Variants in PTPRK observed in about 807,000 individuals in gnomAD.
PTPRK encodes the protein protein tyrosine phosphatase receptor type K.
Under a neutral mutation model 178.0 loss-of-function variants are expected in PTPRK, and 75 were observed. The observed-to-expected ratio is 0.42, with a 90% CI of 0.35 to 0.51. The LOEUF is 0.51. Among genes scored for constraint, PTPRK ranks in the 20% least tolerant of loss-of-function variants. The pLI, the probability that PTPRK is intolerant of heterozygous loss-of-function variation, is 0.02. For synonymous variants in PTPRK, 637 were observed against 620.6 expected (o/e 1.03, Z -0.39); for missense variants, 1,441 against 1,797.8 (o/e 0.80, Z 3.59).
At chr6:128,078,162 A>G (rs1384502801) in intron 11 of PTPRK, among the ~76,000 whole-genome samples, 2 of 151,942 alleles carry the variant, frequency 1.3e-5, no homozygotes, top group Non-Finnish European at 2.9e-5. Context: ...TAGAGGGGGG[A>G]AAAAGGCCAA....
intron 17 of PTPRK, 140 bp from the exon 18 acceptor site, chr6:127,995,678 A>G: frequency 3.6e-6 from 2 of 551,626 alleles, no homozygotes; most frequent in Non-Finnish European, 6.4e-6. Context: ...CCTTTGAAGA[A>G]ATATAAGAAT....
At chr6:128,306,063 A>C (rs562277400) in intron 3 of PTPRK, among the ~76,000 whole-genome samples, 2 of 152,302 alleles carry the variant, frequency 1.3e-5, no homozygotes, top group Non-Finnish European at 2.9e-5. Context: ...TCACTATCAC[A>C]AGAACAGCGT....
intron 3 of PTPRK, among the ~76,000 whole-genome samples, chr6:128,316,674 C>T (rs1189168766): frequency 2.6e-5 from 4 of 151,076 alleles, no homozygotes; most frequent in African/African-American, 9.7e-5. Context: ...CATCAGGAAC[C>T]AGAGAGGTCA....
At chr6:128,517,432 C>T (rs1307701835) in intron 1 of PTPRK, among the ~76,000 whole-genome samples, 1 of 152,144 alleles carries the variant, frequency 6.6e-6, no homozygotes, top group Non-Finnish European at 1.5e-5. Flanking sequence ...AGCTATACAA[C>T]CCAGTGAATA....
chr6:128,278,158 TATTTATTTA>T (rs1821064384), intron 3 of PTPRK, among the ~76,000 whole-genome samples: 1 of 150,696 alleles, frequency 6.6e-6, no homozygotes, highest in Non-Finnish European at 1.5e-5. Flanking sequence ...TTTATTTATT[TATTTATTTA>T]TTTATTTGAG....
chr6:128,496,634 A>C (rs181941698), intron 1 of PTPRK, among the ~76,000 whole-genome samples: 1 of 152,254 alleles, frequency 6.6e-6, no homozygotes, highest in East Asian at 1.9e-4. Flanking sequence ...AAATCATATA[A>C]TTTCTTTCAG....
chr6:128,368,946 CAAACA>C (rs1420578953), intron 2 of PTPRK, among the ~76,000 whole-genome samples: 2 of 147,340 alleles, frequency 1.4e-5, no homozygotes, highest in African/African-American at 2.5e-5. Context: ...AAAAAACAAA[CAAACA>C]AAAAAAAAAA....
At chr6:127,977,760 G>A (rs1050292040) in intron 25 of PTPRK, among the ~76,000 whole-genome samples, 2 of 152,154 alleles carry the variant, frequency 1.3e-5, no homozygotes, top group African/African-American at 4.8e-5. Flanking sequence ...TAAGCGGGGA[G>A]ATAGCTCCTT....
intron 7 of PTPRK, among the ~76,000 whole-genome samples, chr6:128,132,079 A>G (rs1360164516): frequency 6.6e-6 from 1 of 152,244 alleles, no homozygotes; most frequent in Admixed American, 6.5e-5. Flanking sequence ...ATGAAATAAA[A>G]TGCTCAGTAA....
At chr6:128,410,504 T>G (rs1842181740) in intron 1 of PTPRK, among the ~76,000 whole-genome samples, 1 of 152,168 alleles carries the variant, frequency 6.6e-6, no homozygotes, top group Non-Finnish European at 1.5e-5. Context: ...GGCAATAACA[T>G]AGTCATGTTT....
intron 13 of PTPRK, among the ~76,000 whole-genome samples, chr6:128,018,627 T>C (rs1168913675): frequency 1.3e-5 from 2 of 152,112 alleles, no homozygotes; most frequent in Non-Finnish European, 2.9e-5. Flanking sequence ...GTCTACCTTC[T>C]AGATTGACTC....
intron 1 of PTPRK, among the ~76,000 whole-genome samples, chr6:128,437,717 C>T (rs946208856): frequency 2.0e-5 from 3 of 152,094 alleles, no homozygotes; most frequent in African/African-American, 7.2e-5. Flanking sequence ...AAATGAGTAG[C>T]AGGCAGAGAA....
At chr6:128,464,074 A>G (rs77348276) in intron 1 of PTPRK, among the ~76,000 whole-genome samples, 5,178 of 152,150 alleles carry the variant, frequency 0.034, 318 homozygotes, top group African/African-American at 0.12. Flanking sequence ...TTTTAAATAA[A>G]TGATTCCTCC....
At position 128,412,261 on chromosome 6, in the gene PTPRK, C is replaced by A. The variant is rs958632437; in HGVS notation, c.101-14573G>T. Reference sequence around the variant, plus strand: ...GCGACAAGCCAGGCAATGTTCTAAGCAATCTGAACAATTCATTTAATCCCC... The same window carrying A: ...GCGACAAGCCAGGCAATGTTCTAAGAAATCTGAACAATTCATTTAATCCCC... On this transcript the variant is annotated intron_variant, in intron 1 of 29. Transcript: ENST00000368226. 8.5e-5 allele frequency among the ~76,000 whole-genome samples: 13 copies of A among 152,190 alleles called. 1 individual carries two copies. The South Asian group carries it at 1.2e-3, about 15-fold the overall frequency.
At chr6:128,171,564 A>G (rs2114647305) in intron 7 of PTPRK, among the ~76,000 whole-genome samples, 1 of 152,148 alleles carries the variant, frequency 6.6e-6, no homozygotes, top group Non-Finnish European at 1.5e-5. Flanking sequence ...TCCTCACTAA[A>G]AACCACGATA....
chr6:128,476,503 A>G (rs1851392034), intron 1 of PTPRK, among the ~76,000 whole-genome samples: 1 of 152,072 alleles, frequency 6.6e-6, no homozygotes, highest in African/African-American at 2.4e-5. Context: ...CAACCAATCC[A>G]AAAATATGTA....
intron 11 of PTPRK, among the ~76,000 whole-genome samples, chr6:128,073,744 T>C (rs4544930): frequency 0.83 from 126,184 of 151,942 alleles, 52,565 homozygotes; most frequent in East Asian, 0.99. Context: ...AAAATTATAA[T>C]GATTCTACCT....
intron 1 of PTPRK, among the ~76,000 whole-genome samples, chr6:128,439,294 A>G (rs1373979920): frequency 2.6e-5 from 4 of 152,214 alleles, no homozygotes; most frequent in Non-Finnish European, 5.9e-5. Context: ...GTATCCAAAA[A>G]GACTACAAAT....
chr6:128,424,047 C>T (rs949323294), intron 1 of PTPRK, among the ~76,000 whole-genome samples: 1 of 149,364 alleles, frequency 6.7e-6, no homozygotes, highest in African/African-American at 2.5e-5. Context: ...CAGAGAGACA[C>T]CTAGTCCCTA....
Sources: gnomAD v4.1 joint callset for allele counts (sites outside exome capture counted in the v4.1 genomes callset) on GRCh38, gnomAD v4.1.1 for gene constraint, MANE v1.5 for transcripts, NCBI Gene and HGNC (gene_info 2026-07-23, HGNC 2026-07-21) for gene names.